Variants in GRID2 observed in about 807,000 individuals in gnomAD.
The protein encoded by GRID2 is glutamate ionotropic receptor delta type subunit 2.
GRID2 carries 33 observed loss-of-function variants against 114.8 expected under a neutral mutation model. The ratio of observed to expected loss-of-function variants is 0.29; its 90% CI spans 0.22 to 0.38. GRID2 has a LOEUF of 0.38. Among genes scored for constraint, GRID2 ranks in the 10% least tolerant of loss-of-function variants. GRID2 has a pLI of 1.00. For synonymous variants in GRID2, 505 were observed against 449.9 expected, an observed-to-expected ratio of 1.12 and a Z score of -1.55; for missense variants, 1,184 against 1,257.7, an observed-to-expected ratio of 0.94 and a Z score of 0.89.
At chr4:93,611,648 G>T (rs1465249095) in intron 13 of GRID2, among the ~76,000 whole-genome samples, 2 of 123,328 alleles carry the variant, frequency 1.6e-5, no homozygotes, top group African/African-American at 3.7e-5. Flanking sequence ...TTAATCCTGA[G>T]TTCTAGTTTG....
In GRID2 at chr4:92,897,398, G is replaced by T. The variant is rs555115643; in HGVS notation, c.245-187597G>T. Among the ~76,000 whole-genome samples, 18 of 152,190 alleles carry T rather than the reference G, an allele frequency of 1.2e-4. No individual in the cohort carries two copies. In the East Asian group the frequency reaches 3.1e-3, roughly 26 times the overall value. On this transcript the variant is annotated intron_variant, in intron 2 of 15. Transcript: ENST00000282020. ...AATCATACAAAACAGTGTACTTTTAGAGAAAGGGCAAAGTTCCTATTTTGT... is the reference window on the plus strand; with the variant it reads ...AATCATACAAAACAGTGTACTTTTATAGAAAGGGCAAAGTTCCTATTTTGT...
intron 2 of GRID2, among the ~76,000 whole-genome samples, chr4:92,647,554 A>G (rs924473044): frequency 6.7e-6 from 1 of 149,506 alleles, no homozygotes; most frequent in Non-Finnish European, 1.5e-5. Context: ...CTGTGGCTCC[A>G]TAATGGTTTC....
At chr4:92,648,263 G>A (rs543658094) in intron 2 of GRID2, among the ~76,000 whole-genome samples, 15 of 149,734 alleles carry the variant, frequency 1.0e-4, no homozygotes, top group Non-Finnish European at 2.2e-4. Flanking sequence ...TTAAATAAAT[G>A]AGGTAGGTAA....
chr4:93,695,018 A>C (rs915676684), intron 14 of GRID2, among the ~76,000 whole-genome samples: 1 of 152,080 alleles, frequency 6.6e-6, no homozygotes, highest in Non-Finnish European at 1.5e-5. Flanking sequence ...CTAAAATATG[A>C]AAATTAGCCC....
intron 2 of GRID2, among the ~76,000 whole-genome samples, chr4:92,963,763 A>T (rs1752965340): frequency 6.6e-6 from 1 of 152,130 alleles, no homozygotes; most frequent in African/African-American, 2.4e-5. Context: ...GAATATTTTC[A>T]ATTTACTTTA....
intron 14 of GRID2, among the ~76,000 whole-genome samples, chr4:93,703,901 G>A (rs1474637008): frequency 3.3e-5 from 5 of 151,970 alleles, no homozygotes; most frequent in Admixed American, 6.6e-5. Flanking sequence ...ATCATTGTTG[G>A]ACATTTGGCT....
In GRID2 at chr4:92,304,519, C is replaced by CTTTG. The variant is rs1725275920; in HGVS notation, c.-137_-134dup. ...TGCCTTTCTCGGCGACGATAAAAGGCTTTGCTCTGGCAATAGGAATTTAGA... is the reference window on the plus strand; with the variant it reads ...TGCCTTTCTCGGCGACGATAAAAGGCTTTGTTTGCTCTGGCAATAGGAATTTAGA... On this transcript the variant is annotated 5_prime_UTR_variant, in exon 1 of 16. Transcript: ENST00000282020. 1.5e-6 allele frequency: 1 copy of CTTTG among 670,694 alleles called. No homozygotes were observed. Among genetic ancestry groups the CTTTG allele is most frequent in the Non-Finnish European group, 2.7e-6 (1 of 376,956 alleles). The allele number at this position is 670,694 out of a possible 1,614,324, so 41.5% of individuals were successfully genotyped here.
At chr4:92,736,254 G>T (rs1006045957) in intron 2 of GRID2, among the ~76,000 whole-genome samples, 6 of 152,046 alleles carry the variant, frequency 3.9e-5, no homozygotes, top group Non-Finnish European at 7.4e-5. Flanking sequence ...GAGGAGGCCT[G>T]TGGATGACAG....
chr4:92,975,104 C>T (rs1423068987), intron 2 of GRID2, among the ~76,000 whole-genome samples: 2 of 133,908 alleles, frequency 1.5e-5, no homozygotes, highest in Non-Finnish European at 3.0e-5. Context: ...TTGCAGTGAG[C>T]AGAGATCGCA....
Position 93,685,945 on chromosome 4 carries a change from T to C in GRID2, c.2360+59510T>C, listed in dbSNP as rs138732603. 1.0e-3 allele frequency among the ~76,000 whole-genome samples: 157 copies of C among 152,168 alleles called. 1 individual carries two copies. Among genetic ancestry groups the C allele is most frequent in the African/African-American group, 3.4e-3 (143 of 41,540 alleles). On this transcript the variant is annotated intron_variant, in intron 14 of 15. Transcript: ENST00000282020. ...AACACAGGGGAGAGAGGCTGTGAGATACAGTGTCTGACATAAGTTAGTGTT... is the reference window on the plus strand; with the variant it reads ...AACACAGGGGAGAGAGGCTGTGAGACACAGTGTCTGACATAAGTTAGTGTT...
chr4:92,484,111 G>A (rs1283325683), intron 1 of GRID2, among the ~76,000 whole-genome samples: 2 of 152,124 alleles, frequency 1.3e-5, no homozygotes, highest in Non-Finnish European at 2.9e-5. Flanking sequence ...GATGGAGGGG[G>A]AGAAAGAAAC....
At chr4:92,938,684 A>C (rs1750855295) in intron 2 of GRID2, among the ~76,000 whole-genome samples, 1 of 146,008 alleles carries the variant, frequency 6.8e-6, no homozygotes, top group South Asian at 2.3e-4. Context: ...ATTTAGCCTT[A>C]GGTATATCTC....
Position 93,554,948 on chromosome 4 carries a change from G to A in GRID2, c.2193+39537G>A, listed in dbSNP as rs144466707. 9.0e-4 allele frequency among the ~76,000 whole-genome samples: 137 copies of A among 152,220 alleles called. 4 individuals carry two copies. In the East Asian group the frequency reaches 0.019, roughly 21 times the overall value. Reference sequence around the variant, plus strand: ...GGACTGGTTAGACAGTGGGTCTAGCGTACAGAGTGCAAGCTGAAGCAGGGT... The same window carrying A: ...GGACTGGTTAGACAGTGGGTCTAGCATACAGAGTGCAAGCTGAAGCAGGGT... On this transcript the variant is annotated intron_variant, in intron 13 of 15. Coordinates refer to ENST00000282020, the MANE Select transcript of GRID2 (RefSeq NM_001510.4).
intron 13 of GRID2, among the ~76,000 whole-genome samples, chr4:93,564,155 A>T (rs1282824684): frequency 6.6e-6 from 1 of 152,020 alleles, no homozygotes; most frequent in East Asian, 1.9e-4. Flanking sequence ...TGCCAGAGAA[A>T]GGGCTTTTTA....
At chr4:93,140,228 C>T (rs1045906084) in intron 4 of GRID2, among the ~76,000 whole-genome samples, 9 of 149,510 alleles carry the variant, frequency 6.0e-5, no homozygotes, top group Non-Finnish European at 1.2e-4. Context: ...GCAGGACCAC[C>T]GCTCACTGCA....
chr4:93,411,264 A>G (rs888126031), intron 9 of GRID2, among the ~76,000 whole-genome samples: 5 of 152,176 alleles, frequency 3.3e-5, no homozygotes, highest in African/African-American at 9.7e-5. Context: ...ATGAATACAC[A>G]AAAAGTTTTT....
At chr4:93,462,685 A>C (rs1723860727) in intron 11 of GRID2, among the ~76,000 whole-genome samples, 1 of 152,188 alleles carries the variant, frequency 6.6e-6, no homozygotes, top group Non-Finnish European at 1.5e-5. Flanking sequence ...CATCTCTTTA[A>C]AACTTTGCAC....
At chr4:93,493,825 ACTTTGCATTCATTTTT>A (rs1184581110) in intron 12 of GRID2, among the ~76,000 whole-genome samples, 1 of 151,820 alleles carries the variant, frequency 6.6e-6, no homozygotes, top group African/African-American at 2.4e-5. Context: ...GCCCAAAGTA[ACTTTGCATTCATTTTT>A]TTAAAAAATC....
At chr4:93,514,011 C>T (rs138843946) in intron 12 of GRID2, among the ~76,000 whole-genome samples, 80 of 152,226 alleles carry the variant, frequency 5.3e-4, no homozygotes, top group Non-Finnish European at 3.4e-4. Context: ...GAGTTCTGTG[C>T]GCATTCGTTC....
Sources: gnomAD v4.1 joint callset for allele counts (sites outside exome capture counted in the v4.1 genomes callset) on GRCh38, gnomAD v4.1.1 for gene constraint, MANE v1.5 for transcripts, NCBI Gene and HGNC (gene_info 2026-07-23, HGNC 2026-07-21) for gene names.